Variants in RPSA2 observed in about 807,000 individuals in gnomAD.
The protein encoded by RPSA2 is ribosomal protein SA 2, also known as small ribosomal subunit protein uS2B.
chr19:23,849,791 T>A, the RPSA2 span, among the ~76,000 whole-genome samples: 21 of 152,324 alleles, frequency 1.4e-4, no homozygotes, highest in African/African-American at 4.8e-4. Context: ...TCATTTTTTT[T>A]AATACTACTG....
At chr19:23,865,347 A>G in the RPSA2 span, among the ~76,000 whole-genome samples, 824 of 152,312 alleles carry the variant, frequency 5.4e-3, 5 homozygotes, top group Non-Finnish European at 9.5e-3. Context: ...GCAGGAGGTT[A>G]TTACACATAA....
chr19:23,814,197 G>C, the RPSA2 span, among the ~76,000 whole-genome samples: 1 of 132,014 alleles, frequency 7.6e-6, no homozygotes, highest in Non-Finnish European at 1.6e-5. Flanking sequence ...GGGCAACAGA[G>C]CAAGACTCCA....
the RPSA2 span, among the ~76,000 whole-genome samples, chr19:23,824,580 C>CTTTTTT: frequency 1.3e-4 from 8 of 63,814 alleles, no homozygotes; most frequent in African/African-American, 4.3e-4. Flanking sequence ...TATAGCATTT[C>CTTTTTT]TTTTTTTTTT....
the RPSA2 span, among the ~76,000 whole-genome samples, chr19:23,793,823 CAA>C: frequency 3.9e-5 from 6 of 152,172 alleles, no homozygotes; most frequent in Non-Finnish European, 8.8e-5. Flanking sequence ...CTCGGCCTCC[CAA>C]AGTGCTGGGG....
At chr19:23,812,047 G>A in the RPSA2 span, among the ~76,000 whole-genome samples, 1 of 152,022 alleles carries the variant, frequency 6.6e-6, no homozygotes, top group East Asian at 1.9e-4. Flanking sequence ...GTCAAACATT[G>A]CAGTTATCTA....
chr19:23,838,159 T>C, the RPSA2 span, among the ~76,000 whole-genome samples: 1,080 of 152,288 alleles, frequency 7.1e-3, 14 homozygotes, highest in African/African-American at 0.025. Context: ...TAAAGCGATG[T>C]TGGATTTTGT....
chr19:23,787,921 C>T, the RPSA2 span, among the ~76,000 whole-genome samples: 21 of 152,270 alleles, frequency 1.4e-4, no homozygotes, highest in African/African-American at 4.8e-4. Flanking sequence ...TTATGTGACT[C>T]TCCTCTTTTA....
At chr19:23,798,179 C>T in the RPSA2 span, among the ~76,000 whole-genome samples, 1 of 151,944 alleles carries the variant, frequency 6.6e-6, no homozygotes. Context: ...CAGATTTGTT[C>T]ACAGTAAAAC....
At chr19:23,827,332 G>A in the RPSA2 span, 5 of 1,586,358 alleles carry the variant, frequency 3.2e-6, no homozygotes, top group Non-Finnish European at 4.3e-6. Context: ...CCTGGGAGAA[G>A]CTTCTGCTGG....
the RPSA2 span, among the ~76,000 whole-genome samples, chr19:23,816,876 A>C: frequency 6.6e-6 from 1 of 152,136 alleles, no homozygotes; most frequent in African/African-American, 2.4e-5. Flanking sequence ...TACAGAAGAG[A>C]CCTGCCCCCA....
the RPSA2 span, among the ~76,000 whole-genome samples, chr19:23,868,027 G>A: frequency 1.3e-4 from 20 of 152,138 alleles, no homozygotes; most frequent in African/African-American, 4.8e-4. Context: ...GACATTTAGA[G>A]GAGTCAGTTC....
chr19:23,786,600 A>T, the RPSA2 span, among the ~76,000 whole-genome samples: 47 of 152,334 alleles, frequency 3.1e-4, 1 homozygote, highest in Non-Finnish European at 4.1e-4. Context: ...TTAAACACCC[A>T]GGTGATGTAA....
At chr19:23,776,831 A>G in the RPSA2 span, among the ~76,000 whole-genome samples, 1 of 152,008 alleles carries the variant, frequency 6.6e-6, no homozygotes, top group East Asian at 1.9e-4. Context: ...TTCAGCCTGG[A>G]CCCTGCCCAC....
the RPSA2 span, among the ~76,000 whole-genome samples, chr19:23,845,653 A>G: frequency 3.4e-4 from 51 of 152,118 alleles, no homozygotes; most frequent in Admixed American, 3.1e-3. Flanking sequence ...CACCACACCT[A>G]GCTATTTTTA....
the RPSA2 span, among the ~76,000 whole-genome samples, chr19:23,854,640 C>G: frequency 2.0e-5 from 3 of 152,174 alleles, no homozygotes; most frequent in Non-Finnish European, 4.4e-5. Flanking sequence ...TGTGGGCAAA[C>G]AGTAGCAGCA....
chr19:23,790,877 A>G, the RPSA2 span: 1 of 502,690 alleles, frequency 2.0e-6, no homozygotes. Context: ...CAGCTCCACA[A>G]TCTGCACCCT....
At chr19:23,860,584 G>T in the RPSA2 span, among the ~76,000 whole-genome samples, 1 of 152,072 alleles carries the variant, frequency 6.6e-6, no homozygotes, top group Non-Finnish European at 1.5e-5. Context: ...GTCAAGAAAT[G>T]GTTCCCAATG....
the RPSA2 span, among the ~76,000 whole-genome samples, chr19:23,768,348 G>C: frequency 6.6e-6 from 1 of 151,532 alleles, no homozygotes; most frequent in African/African-American, 2.4e-5. Context: ...TTGGTGCATT[G>C]TATATATTTC....
the RPSA2 span, chr19:23,833,222 A>G: frequency 1.8e-6 from 2 of 1,124,362 alleles, no homozygotes; most frequent in Non-Finnish European, 1.1e-6. Context: ...AAGCAACCCT[A>G]CAAATGGGAA....
Sources: allele counts gnomAD v4.1 joint callset (sites outside exome capture counted in the v4.1 genomes callset), GRCh38; gene constraint gnomAD v4.1.1; transcripts MANE v1.5; gene names NCBI Gene and HGNC (gene_info 2026-07-23, HGNC 2026-07-21).